Variants in ADAMTSL1 observed in about 807,000 individuals in gnomAD.
ADAMTSL1 encodes the protein ADAMTS like 1.
A neutral mutation model predicts 201.8 loss-of-function variants in ADAMTSL1; 126 were observed. The observed-to-expected ratio is 0.62, with a 90% CI of 0.54 to 0.72. The LOEUF is 0.72. ADAMTSL1 is among the 30% of genes least tolerant of loss of function. The pLI is 0.00. For synonymous variants in ADAMTSL1, 1,121 were observed against 903.4 expected (o/e 1.24, Z -4.32); for missense variants, 2,679 against 2,277.8 (o/e 1.18, Z -3.59).
intron 23 of ADAMTSL1, among the ~76,000 whole-genome samples, chr9:18,844,697 C>G (rs1005129422): frequency 2.0e-5 from 3 of 152,348 alleles, no homozygotes; most frequent in East Asian, 3.9e-4. Context: ...CCACCCAGTT[C>G]GAGCTTCCTG....
At chr9:18,231,116 A>T (rs572507403) in intron 2 of ADAMTSL1, among the ~76,000 whole-genome samples, 1 of 151,926 alleles carries the variant, frequency 6.6e-6, no homozygotes, top group East Asian at 1.9e-4. Flanking sequence ...TTTTATTGCA[A>T]CCCCCGGGCT....
At chr9:18,269,222 T>C (rs1473799819) in intron 2 of ADAMTSL1, among the ~76,000 whole-genome samples, 8 of 152,188 alleles carry the variant, frequency 5.3e-5, no homozygotes, top group African/African-American at 1.2e-4. Flanking sequence ...GTTATTTATA[T>C]ACATATCATT....
intron 1 of ADAMTSL1, among the ~76,000 whole-genome samples, chr9:18,108,325 A>G (rs1824853710): frequency 6.7e-6 from 1 of 150,202 alleles, no homozygotes; most frequent in Admixed American, 6.7e-5. Context: ...TCATCCTCCC[A>G]TGTAGCTGGG....
At chr9:18,588,914 C>CATATACATATATATATATATATAT (rs1564072253) in intron 4 of ADAMTSL1, among the ~76,000 whole-genome samples, 2 of 71,974 alleles carry the variant, frequency 2.8e-5, no homozygotes, top group South Asian at 3.3e-4. Context: ...CATATATATA[C>CATATACATATATATATATATATAT]ACATTTTTTT....
At chr9:17,963,385 A>G (rs1778183) in intron 1 of ADAMTSL1, among the ~76,000 whole-genome samples, 90,454 of 151,852 alleles carry the variant, frequency 0.6, 27,537 homozygotes, top group East Asian at 0.92. Flanking sequence ...GGGGAAAGTT[A>G]GAGCACAGCT....
rs761713116 is a variant in ADAMTSL1 at position 18,830,003 on chromosome 9, G to A, written c.4249+26G>A. On this transcript the variant is annotated intron_variant, in intron 23 of 28. Transcript: ENST00000380548. ...GTGAGTCTAACCCTCGGAAACATTGGGCAGAAAGCCAGGACTGGACAGGAT... is the reference window on the plus strand; with the variant it reads ...GTGAGTCTAACCCTCGGAAACATTGAGCAGAAAGCCAGGACTGGACAGGAT... The A allele has an allele frequency of 1.2e-5, 19 of 1,586,524 alleles. No homozygotes were observed. In the South Asian group the frequency reaches 1.9e-4, roughly 16 times the overall value.
chr9:18,435,836 A>C (rs192426668), intron 2 of ADAMTSL1, among the ~76,000 whole-genome samples: 3 of 152,150 alleles, frequency 2.0e-5, no homozygotes, highest in African/African-American at 7.2e-5. Flanking sequence ...CATGAGACCC[A>C]TTCACTATCA....
chr9:18,336,669 C>T (rs1285250509), intron 2 of ADAMTSL1, among the ~76,000 whole-genome samples: 1 of 152,080 alleles, frequency 6.6e-6, no homozygotes, highest in African/African-American at 2.4e-5. Flanking sequence ...AAAAGGAACT[C>T]GGCAACTCTT....
intron 1 of ADAMTSL1, among the ~76,000 whole-genome samples, chr9:17,981,890 C>T (rs932657427): frequency 9.2e-5 from 14 of 152,060 alleles, no homozygotes; most frequent in South Asian, 2.1e-4. Context: ...TATTTGGGCA[C>T]CTATTTAGAG....
chr9:18,825,296 G>A (rs900874806), intron 21 of ADAMTSL1, among the ~76,000 whole-genome samples: 5 of 152,138 alleles, frequency 3.3e-5, no homozygotes, highest in African/African-American at 1.2e-4. Context: ...ACAGAGCCTG[G>A]CTTCCAAAGA....
intron 2 of ADAMTSL1, among the ~76,000 whole-genome samples, chr9:18,400,494 G>T (rs1267935292): frequency 6.6e-6 from 1 of 152,116 alleles, no homozygotes; most frequent in African/African-American, 2.4e-5. Flanking sequence ...CAGAATACTT[G>T]CCATTTATAG....
At chr9:18,688,658 T>TAAAA (rs1270730704) in intron 13 of ADAMTSL1, among the ~76,000 whole-genome samples, 5 of 6,590 alleles carry the variant, frequency 7.6e-4, no homozygotes, top group Non-Finnish European at 9.6e-4. Flanking sequence ...ACAGAGCATT[T>TAAAA]CAAAAAAAAA....
At chr9:18,511,952 G>T (rs1359807079) in intron 2 of ADAMTSL1, among the ~76,000 whole-genome samples, 1 of 152,106 alleles carries the variant, frequency 6.6e-6, no homozygotes. Flanking sequence ...GAGCCCCAAA[G>T]CAGGCTTTAT....
chr9:18,718,690 G>A (rs906086773), intron 14 of ADAMTSL1, among the ~76,000 whole-genome samples: 1 of 152,172 alleles, frequency 6.6e-6, no homozygotes, highest in Admixed American at 6.5e-5. Context: ...GTTTGGCATT[G>A]TCCAGAAGGG....
intron 2 of ADAMTSL1, among the ~76,000 whole-genome samples, chr9:18,355,887 G>T (rs1448130445): frequency 6.6e-6 from 1 of 152,158 alleles, no homozygotes; most frequent in East Asian, 1.9e-4. Context: ...TGGTAGCACA[G>T]GATTTTCTTC....
chr9:18,170,811 G>C (rs1163209078), intron 2 of ADAMTSL1, among the ~76,000 whole-genome samples: 1 of 152,094 alleles, frequency 6.6e-6, no homozygotes, highest in Non-Finnish European at 1.5e-5. Context: ...TTCTCTAGGA[G>C]AGCTGGGCAT....
intron 3 of ADAMTSL1, among the ~76,000 whole-genome samples, chr9:18,556,075 T>G (rs1374949106): frequency 1.3e-5 from 2 of 152,002 alleles, no homozygotes; most frequent in East Asian, 1.9e-4. Flanking sequence ...ACTGATGACT[T>G]GCAGGGTAAG....
intron 23 of ADAMTSL1, among the ~76,000 whole-genome samples, chr9:18,885,264 A>G (rs76224180): frequency 2.6e-5 from 4 of 152,186 alleles, no homozygotes; most frequent in Non-Finnish European, 4.4e-5. Flanking sequence ...ATAAGGGCTG[A>G]ATTCACCCTT....
intron 1 of ADAMTSL1, among the ~76,000 whole-genome samples, chr9:17,994,722 C>A (rs926735964): frequency 2.0e-5 from 3 of 152,174 alleles, no homozygotes. Context: ...CAGAATAAGA[C>A]AGTTCATTTA....
Sources: allele counts gnomAD v4.1 joint callset (sites outside exome capture counted in the v4.1 genomes callset), GRCh38; gene constraint gnomAD v4.1.1; transcripts MANE v1.5; gene names NCBI Gene and HGNC (gene_info 2026-07-23, HGNC 2026-07-21).